The following PGA5 variants were observed in gnomAD, a reference collection of about 807,000 sequenced individuals.
The protein encoded by PGA5 is pepsin A-5.
A neutral mutation model predicts 15.9 loss-of-function variants in PGA5; 19 were observed. That is an observed-to-expected ratio of 1.19 (90% CI 0.83 to 1.75). The LOEUF is 1.75. Among genes scored for constraint, PGA5 ranks in the 40% most tolerant of loss-of-function variants. The probability of loss-of-function intolerance (pLI) is 0.00; values close to 1 mark genes in which losing one functional copy is unlikely to be tolerated. For synonymous variants in PGA5, 92 were observed against 95.8 expected, an observed-to-expected ratio of 0.96 and a Z score of 0.23; for missense variants, 224 against 246.4, an observed-to-expected ratio of 0.91 and a Z score of 0.61.
chr11:61,250,573 A>G (rs1340811472), intron 8 of PGA5: 1 of 457,430 alleles, frequency 2.2e-6, no homozygotes, highest in East Asian at 6.9e-5. Context: ...CAGGTGGAAA[A>G]CTAATTTTGC....
chr11:61,250,376 C>T (rs896601713), intron 8 of PGA5, among the ~76,000 whole-genome samples: 8 of 151,470 alleles, frequency 5.3e-5, no homozygotes, highest in Non-Finnish European at 1.0e-4. Flanking sequence ...GCAGCTTTCC[C>T]CACCCTCAGA....
intron 5 of PGA5, among the ~76,000 whole-genome samples, chr11:61,246,403 A>G (rs1290922629): frequency 6.6e-6 from 1 of 151,768 alleles, no homozygotes; most frequent in Non-Finnish European, 1.5e-5. Flanking sequence ...AAATGTCATC[A>G]GCCATTTGCC....
rs371820520 is a variant in PGA5, at chr11:61,247,685, A to C, written c.657-734A>C. 1.1e-4 allele frequency among the ~76,000 whole-genome samples: 17 copies of C among 152,166 alleles called. 1 individual carries two copies. Among genetic ancestry groups the C allele is most frequent in the East Asian group, 5.8e-4 (3 of 5,194 alleles). The stretch of plus-strand genomic sequence containing the variant: ...AATAACAAGGACTCCTGCAATTTAC[A>C]ACAGGAAGGCTCTTTGTCATGTATT... On this transcript the variant is annotated intron_variant, in intron 5 of 8. Coordinates refer to ENST00000312403, the MANE Select transcript of PGA5 (RefSeq NM_014224.5).
chr11:61,250,946 G>C (rs925261995), intron 8 of PGA5, among the ~76,000 whole-genome samples, 186 bp from the exon 9 acceptor site: 1 of 151,338 alleles, frequency 6.6e-6, no homozygotes, highest in Non-Finnish European at 1.5e-5. Context: ...GAAACCAGTC[G>C]TGCATTGGAT....
intron 5 of PGA5, chr11:61,248,156 T>C: frequency 1.3e-6 from 1 of 783,876 alleles, no homozygotes. Flanking sequence ...CTTCCAAACG[T>C]AGTTCCACCA....
intron 5 of PGA5, among the ~76,000 whole-genome samples, chr11:61,246,849 A>T (rs1436371828): frequency 6.6e-6 from 1 of 152,008 alleles, no homozygotes; most frequent in Non-Finnish European, 1.5e-5. Context: ...AAAAATGAAA[A>T]GATTTGATCA....
At position 61,251,154 on chromosome 11, in the gene PGA5, G is replaced by C. The variant is rs1395248152; in HGVS notation, c.1040G>C (p.Gly347Ala). ...CAGAGCGAGGGGAGCTGCATCAGTG[G>C]CTTCCAGGGCATGAACGTCCCCACC... ...ILQSEGSCIS[G>A]FQGMNVPTES... The change falls in exon 9 of 9, where the codon GGC becomes GCC. Residue 347 changes from glycine (G) to alanine (A), a missense_variant. By Grantham distance (60) the Gly-to-Ala change is moderately conservative. Transcript: ENST00000312403. The C allele has an allele frequency of 1.9e-6, 3 of 1,611,826 alleles. No individual in the cohort carries two copies. Among genetic ancestry groups the C allele is most frequent in the Non-Finnish European group, 2.5e-6 (3 of 1,179,854 alleles).
chr11:61,249,874 G>C (rs201388034), intron 7 of PGA5, 42 bp from the exon 8 acceptor site: 28 of 1,613,546 alleles, frequency 1.7e-5, no homozygotes, highest in Non-Finnish European at 1.5e-5. Flanking sequence ...AGGCAGAAGC[G>C]ACGAAAACCC....
intron 5 of PGA5, among the ~76,000 whole-genome samples, 153 bp downstream of exon 5, chr11:61,246,298 CTT>C (rs1222511754): frequency 7.0e-6 from 1 of 142,772 alleles, no homozygotes; most frequent in East Asian, 2.1e-4. Context: ...AGAAGTGTGT[CTT>C]TGGAGAGTAA....
chr11:61,247,633 T>A (rs930624941), intron 5 of PGA5, among the ~76,000 whole-genome samples: 2 of 152,028 alleles, frequency 1.3e-5, no homozygotes, highest in African/African-American at 4.8e-5. Flanking sequence ...AACCTGAAAC[T>A]GCAGAGATTT....
chr11:61,248,868 T>G (rs1474162375), intron 6 of PGA5, among the ~76,000 whole-genome samples: 1 of 152,114 alleles, frequency 6.6e-6, no homozygotes, highest in African/African-American at 2.4e-5. Context: ...AAGGGGGCTG[T>G]GAACAAGCAC....
At chr11:61,248,556 C>A (rs1854098943) in intron 6 of PGA5, 21 bp downstream of exon 6, 1 of 1,611,240 alleles carries the variant, frequency 6.2e-7, no homozygotes, top group Non-Finnish European at 8.5e-7. Context: ...CATGAACGGG[C>A]AGCATCCAGG....
rs138245987 is a variant in PGA5, at chr11:61,248,444, A to C, written c.682A>C (p.Ile228Leu). ...CGATGACAAGAGTGGCAGCGTGGTG[A>C]TCTTTGGTGGCATTGACTCTTCTTA... is the stretch of plus-strand genomic sequence containing the variant. ...SADDKSGSVV[I>L]FGGIDSSYYT... is the part of the protein sequence containing the mutation. The change falls in exon 6 of 9, where the codon ATC (isoleucine) becomes CTC (leucine). Residue 228 changes from isoleucine (I) to leucine (L), a missense_variant. Coordinates refer to ENST00000312403, the MANE Select transcript of PGA5 (RefSeq NM_014224.5). 3.6e-4 allele frequency: 577 copies of C among 1,613,772 alleles called. 1 individual carries two copies. Among genetic ancestry groups the C allele is most frequent in the Middle Eastern group, 1.2e-3 (7 of 6,054 alleles).
Position 61,248,548 on chromosome 11 carries a change from T to C in PGA5, c.773+13T>C. 3 of 1,611,494 alleles carry C rather than the reference T, an allele frequency of 1.9e-6. No homozygotes were observed. The highest frequency in any genetic ancestry group is 2.2e-5 in the East Asian group (1 of 44,870). ...TCACCGTGGACAGGTGAGACTGCCA[T>C]GAACGGGCAGCATCCAGGCCTGGGC... On this transcript the variant is annotated intron_variant, in intron 6 of 8. Coordinates refer to ENST00000312403, the MANE Select transcript of PGA5 (RefSeq NM_014224.5).
At chr11:61,248,826 G>A (rs1854101692) in intron 6 of PGA5, among the ~76,000 whole-genome samples, 1 of 152,102 alleles carries the variant, frequency 6.6e-6, no homozygotes, top group Non-Finnish European at 1.5e-5. Flanking sequence ...GGGAGAGCTG[G>A]GGGACCCACC....
chr11:61,251,299 C>T lies in PGA5; in HGVS notation c.*18C>T. The T allele has an allele frequency of 6.2e-7, 1 of 1,611,840 alleles. No homozygotes were observed. On this transcript the variant is annotated 3_prime_UTR_variant, in exon 9 of 9. Coordinates refer to ENST00000312403, the MANE Select transcript of PGA5 (RefSeq NM_014224.5). ...TGGCTTAAGCCTAAGTCTCTTCAGC[C>T]ACCTCCCAGGAAGATCTGGCCTCCG...
chr11:61,248,358 C>T, intron 5 of PGA5, 61 bp from the exon 6 acceptor site: 1 of 1,613,838 alleles, frequency 6.2e-7, no homozygotes, highest in Non-Finnish European at 8.5e-7. Flanking sequence ...GAGGCAACAG[C>T]AGATGGTCAC....
intron 6 of PGA5, 69 bp downstream of exon 6, chr11:61,248,604 C>T (rs1339408988): frequency 4.0e-5 from 64 of 1,588,496 alleles, no homozygotes; most frequent in Non-Finnish European, 5.4e-5. Flanking sequence ...GGATTCATAG[C>T]CAATCAGCTT....
chr11:61,251,108 C>T (rs751569748), intron 8 of PGA5, 24 bp from the exon 9 acceptor site: 1 of 1,611,816 alleles, frequency 6.2e-7, no homozygotes, highest in East Asian at 2.2e-5. Context: ...GTCCCAGCTC[C>T]ACTTTTATTC....
Sources: gnomAD v4.1 joint callset for allele counts (sites outside exome capture counted in the v4.1 genomes callset) on GRCh38, gnomAD v4.1.1 for gene constraint, MANE v1.5 for transcripts, NCBI Gene and HGNC (gene_info 2026-07-23, HGNC 2026-07-21) for gene names.